The following NAV2 variants were observed in gnomAD, a reference collection of about 807,000 sequenced individuals.
NAV2 encodes the protein neuron navigator 2.
NAV2 carries 54 observed loss-of-function variants against 223.2 expected under a neutral mutation model. The ratio of observed to expected loss-of-function variants is 0.24; its 90% confidence interval spans 0.19 to 0.30. The LOEUF (loss-of-function observed/expected upper bound fraction) is 0.30. Ranked by LOEUF, NAV2 falls within the 10% of genes least tolerant of loss-of-function variation. The pLI, the probability that NAV2 is intolerant of heterozygous loss-of-function variation, is 1.00. For missense variants in NAV2, 2,806 were observed against 3,147.5 expected, an observed-to-expected ratio of 0.89 and a Z score of 2.60; for synonymous variants, 1,279 against 1,239.3, an observed-to-expected ratio of 1.03 and a Z score of -0.67.
At chr11:19,503,490 A>ATC (rs1326170850) in intron 1 of NAV2, 1 of 152,180 alleles carries the variant, frequency 6.6e-6, no homozygotes, top group African/African-American at 2.4e-5. Context: ...GGAAACACTG[A>ATC]TCTTTTTACG....
intron 1 of NAV2, among the ~76,000 whole-genome samples, chr11:19,768,545 G>A (rs1002180653): frequency 2.6e-5 from 4 of 152,168 alleles, no homozygotes; most frequent in Admixed American, 6.5e-5. Context: ...CTGGCCTAGA[G>A]AAGATTTGGG....
chr11:20,049,718 C>T (rs2057786769), intron 15 of NAV2, 118 bp from the exon 16 acceptor site: 3 of 933,740 alleles, frequency 3.2e-6, no homozygotes, highest in Admixed American at 1.8e-5. Context: ...CCAGTTTCTG[C>T]ATATAGGGAA....
At chr11:20,018,379 A>C (rs2054197662) in intron 11 of NAV2, among the ~76,000 whole-genome samples, 3 of 150,010 alleles carry the variant, frequency 2.0e-5, no homozygotes, top group Non-Finnish European at 4.4e-5. Context: ...AAAAAAGTGA[A>C]ACTAAAGTGG....
chr11:19,765,578 G>T (rs887615147), intron 1 of NAV2, among the ~76,000 whole-genome samples: 3 of 152,126 alleles, frequency 2.0e-5, no homozygotes, highest in Non-Finnish European at 4.4e-5. Flanking sequence ...CTGGCCCCTG[G>T]GTGGCAGTTT....
chr11:19,730,631 G>A (rs1475249999), intron 1 of NAV2, among the ~76,000 whole-genome samples: 8 of 152,310 alleles, frequency 5.3e-5, no homozygotes, highest in Admixed American at 3.9e-4. Context: ...GGTGGGCTCC[G>A]CATAACTCCC....
At chr11:19,588,087 A>G (rs2045953046) in intron 1 of NAV2, among the ~76,000 whole-genome samples, 1 of 152,224 alleles carries the variant, frequency 6.6e-6, no homozygotes, top group African/African-American at 2.4e-5. Flanking sequence ...ATGAATGATT[A>G]TCCTACTAGT....
At chr11:19,995,767 C>T (rs2051816208) in intron 11 of NAV2, among the ~76,000 whole-genome samples, 2 of 152,220 alleles carry the variant, frequency 1.3e-5, no homozygotes, top group South Asian at 2.1e-4. Context: ...AGATGACACT[C>T]ATGAAATTGT....
chr11:19,953,709 A>G (rs1219080427), intron 10 of NAV2, among the ~76,000 whole-genome samples: 1 of 152,238 alleles, frequency 6.6e-6, no homozygotes, highest in Non-Finnish European at 1.5e-5. Flanking sequence ...CTGAGGAAAG[A>G]GTATGTTCTT....
At chr11:20,092,736 A>C (rs1379689199) in intron 28 of NAV2, among the ~76,000 whole-genome samples, 6 of 152,202 alleles carry the variant, frequency 3.9e-5, no homozygotes, top group Non-Finnish European at 8.8e-5. Context: ...TCCTGCCTTC[A>C]GGATGGATTC....
Position 20,105,717 on chromosome 11 carries a change from C to G in NAV2, c.6831C>G (p.Asp2277Glu). ...TCCTGGAGGCTCACAGTTCCTCGGA[C>G]GTCACCATCGGTGGGTGGGAGACTG... Reference protein sequence around the residue: ...NRFLEAHSSSDVTIGPRLFLS... With the variant: ...NRFLEAHSSSEVTIGPRLFLS... Residue 2277 changes from aspartate to glutamate, a missense_variant, in exon 35 of 38, where the codon GAC becomes GAG. Around this residue, in one of 4 missense-constraint regions of NAV2, gnomAD observed 824 missense variants for 1,069.4 expected, o/e 0.77. Coordinates refer to ENST00000349880, the MANE Select transcript of NAV2 (RefSeq NM_145117.5). 6.2e-7 allele frequency: 1 copy of G among 1,611,682 alleles called. No individual in the cohort carries two copies. Among genetic ancestry groups the G allele is most frequent in the African/African-American group, 1.3e-5 (1 of 74,974 alleles).
intron 1 of NAV2, among the ~76,000 whole-genome samples, chr11:19,761,716 G>C (rs180866345): frequency 1.8e-4 from 28 of 152,284 alleles, no homozygotes; most frequent in African/African-American, 6.3e-4. Context: ...GGGATGTCTA[G>C]AACTGCTCTA....
chr11:19,549,407 C>T (rs1017545129), intron 1 of NAV2, among the ~76,000 whole-genome samples: 3 of 152,146 alleles, frequency 2.0e-5, no homozygotes, highest in African/African-American at 7.2e-5. Context: ...GAGTGCCCCT[C>T]CCCCACCTTG....
Position 20,045,518 on chromosome 11 carries a change from C to T in NAV2, c.3750C>T (p.Asp1250=), listed in dbSNP as rs7125647. ...TACCAGGTCTGGTCAACCAAACAGACAAGGAGAAAGGCATCTCATCAGACA... is the reference window on the plus strand; with the variant it reads ...TACCAGGTCTGGTCAACCAAACAGATAAGGAGAAAGGCATCTCATCAGACA... The part of the protein sequence containing the change: ...SSLPGLVNQT[D]KEKGISSDNE... Residue 1250 remains aspartate, a synonymous_variant, in exon 14 of 38, where the codon GAC becomes GAT. Coordinates refer to ENST00000349880, the MANE Select transcript of NAV2 (RefSeq NM_145117.5). 0.57 allele frequency: 913,616 copies of T among 1,613,726 alleles called. 263,323 individuals carry two copies. Among genetic ancestry groups the T allele is most frequent in the East Asian group, 0.85 (37,941 of 44,852 alleles).
chr11:19,820,228 C>T (rs1172114110), intron 1 of NAV2, among the ~76,000 whole-genome samples: 1 of 152,238 alleles, frequency 6.6e-6, no homozygotes, highest in Non-Finnish European at 1.5e-5. Context: ...TTGATGTCTG[C>T]TGTCAATAAG....
chr11:19,704,885 C>A (rs1403397866), intron 1 of NAV2, among the ~76,000 whole-genome samples: 1 of 151,364 alleles, frequency 6.6e-6, no homozygotes, highest in Non-Finnish European at 1.5e-5. Flanking sequence ...GTGGCGGGCG[C>A]CTGTAGTCCC....
At chr11:19,869,123 T>G (rs968002526) in intron 4 of NAV2, 126 bp downstream of exon 4, 1 of 907,246 alleles carries the variant, frequency 1.1e-6, no homozygotes, top group Admixed American at 2.3e-5. Context: ...TTGTTTTCCT[T>G]TATGTTGCTC....
chr11:19,498,680 C>G (rs1015157697), intron 1 of NAV2, among the ~76,000 whole-genome samples: 1 of 152,164 alleles, frequency 6.6e-6, no homozygotes, highest in Non-Finnish European at 1.5e-5. Context: ...ATCTGCCTGC[C>G]CATCGATCCA....
intron 1 of NAV2, among the ~76,000 whole-genome samples, chr11:19,789,406 G>T (rs1454211685): frequency 2.0e-5 from 3 of 152,156 alleles, no homozygotes; most frequent in Non-Finnish European, 4.4e-5. Context: ...GAGAAGGTTT[G>T]ATTCTCCTCT....
chr11:20,082,722 C>T, intron 25 of NAV2: 2 of 1,050,286 alleles, frequency 1.9e-6, no homozygotes. Flanking sequence ...CCTCATCTTC[C>T]CAACATCCAT....
Sources: allele counts gnomAD v4.1 joint callset (sites outside exome capture counted in the v4.1 genomes callset), GRCh38; gene constraint gnomAD v4.1.1; regional missense constraint gnomAD v4.1.1; transcripts MANE v1.5; gene names NCBI Gene and HGNC (gene_info 2026-07-23, HGNC 2026-07-21).